The following DPP10 variants were observed in gnomAD, a reference collection of about 807,000 sequenced individuals.
DPP10 encodes the protein dipeptidyl peptidase like 10, also known as inactive dipeptidyl peptidase 10.
A neutral mutation model predicts 120.9 loss-of-function variants in DPP10; 33 were observed. That is an observed-to-expected ratio of 0.27 (90% CI 0.21 to 0.37). The LOEUF (loss-of-function observed/expected upper bound fraction) is 0.37. Among genes scored for constraint, DPP10 ranks in the 10% least tolerant of loss-of-function variants. DPP10 has a pLI of 1.00. For missense variants in DPP10, 816 were observed against 942.8 expected, an observed-to-expected ratio of 0.87 and a Z score of 1.76; for synonymous variants, 337 against 326.1, an observed-to-expected ratio of 1.03 and a Z score of -0.36.
At position 115,357,384 on chromosome 2, in the gene DPP10, A is replaced by G. The variant is rs149610290; in HGVS notation, c.271+13472A>G. 4.8e-3 allele frequency among the ~76,000 whole-genome samples: 732 copies of G among 152,370 alleles called. 4 individuals are homozygous for G. Among genetic ancestry groups the G allele is most frequent in the African/African-American group, 0.014 (586 of 41,586 alleles). ...AGGCCCCATACAAGTCCGAAATTCA[A>G]TAAGGCAGTCATAAACCTTAAAGTT... On this transcript the variant is annotated intron_variant, in intron 3 of 25. Transcript: ENST00000410059.
intron 5 of DPP10, among the ~76,000 whole-genome samples, chr2:115,587,074 C>CT (rs1201491061): frequency 4.5e-5 from 6 of 133,458 alleles, no homozygotes; most frequent in African/African-American, 1.1e-4. Context: ...TTTTTCTTTT[C>CT]TTTTTTTTCT....
At chr2:115,240,964 G>C (rs971955877) in intron 1 of DPP10, among the ~76,000 whole-genome samples, 1 of 152,080 alleles carries the variant, frequency 6.6e-6, no homozygotes, top group Non-Finnish European at 1.5e-5. Context: ...ACTTTTCATG[G>C]CAAACCTATA....
At chr2:114,818,979 G>T (rs1292050334) in intron 1 of DPP10, among the ~76,000 whole-genome samples, 1 of 151,998 alleles carries the variant, frequency 6.6e-6, no homozygotes, top group Non-Finnish European at 1.5e-5. Context: ...ATTACTACTT[G>T]TTTTCATTAA....
At chr2:114,723,531 G>T (rs1406599778) in intron 1 of DPP10, among the ~76,000 whole-genome samples, 1 of 152,178 alleles carries the variant, frequency 6.6e-6, no homozygotes, top group East Asian at 1.9e-4. Flanking sequence ...AGTAAGAAAA[G>T]TAAAGAGTTC....
At chr2:115,293,852 C>T (rs1458977615) in intron 1 of DPP10, among the ~76,000 whole-genome samples, 1 of 152,044 alleles carries the variant, frequency 6.6e-6, no homozygotes, top group Non-Finnish European at 1.5e-5. Flanking sequence ...AATCTCTACT[C>T]TTGCCGAAGA....
At chr2:115,590,327 C>G (rs376495766) in intron 5 of DPP10, among the ~76,000 whole-genome samples, 1 of 152,054 alleles carries the variant, frequency 6.6e-6, no homozygotes, top group Non-Finnish European at 1.5e-5. Context: ...TTACCCCCAC[C>G]TCACGACAGG....
intron 1 of DPP10, among the ~76,000 whole-genome samples, chr2:115,167,896 A>G (rs1386426579): frequency 6.6e-6 from 1 of 152,182 alleles, no homozygotes; most frequent in African/African-American, 2.4e-5. Context: ...AACTTTGGCT[A>G]ATTCTCACCA....
At chr2:115,307,697 G>T (rs1023118852) in intron 1 of DPP10, among the ~76,000 whole-genome samples, 1 of 152,028 alleles carries the variant, frequency 6.6e-6, no homozygotes, top group African/African-American at 2.4e-5. Context: ...TAGAGAATCA[G>T]CAATCATCAC....
At chr2:114,684,821 C>T (rs770431979) in intron 1 of DPP10, among the ~76,000 whole-genome samples, 4 of 151,972 alleles carry the variant, frequency 2.6e-5, no homozygotes, top group Non-Finnish European at 1.5e-5. Context: ...ACCTTCGATT[C>T]ATGTGCGTAG....
At chr2:115,800,193 G>A (rs1253085692) in intron 19 of DPP10, among the ~76,000 whole-genome samples, 3 of 151,808 alleles carry the variant, frequency 2.0e-5, no homozygotes, top group African/African-American at 4.9e-5. Flanking sequence ...CAGTGATGAT[G>A]AGCATTTTTT....
At chr2:115,671,249 A>G (rs2089849834) in intron 5 of DPP10, among the ~76,000 whole-genome samples, 2 of 152,014 alleles carry the variant, frequency 1.3e-5, no homozygotes, top group Non-Finnish European at 2.9e-5. Flanking sequence ...TACATTTAAT[A>G]TTTGAGTTCT....
intron 25 of DPP10, among the ~76,000 whole-genome samples, chr2:115,841,290 G>C (rs1559229620): frequency 6.6e-6 from 1 of 151,904 alleles, no homozygotes; most frequent in Non-Finnish European, 1.5e-5. Context: ...AATATTACAA[G>C]AAAAGAAGAG....
chr2:115,656,070 TAA>T lies in DPP10; in HGVS notation c.442-33616_442-33615del, dbSNP rs1174492331. Among the ~76,000 whole-genome samples, 3 of 151,276 alleles carry T rather than the reference TAA, an allele frequency of 2.0e-5. No homozygotes were observed. In the Admixed American group the frequency reaches 2.0e-4, roughly 10 times the overall value. ...ATGTGTAACATAGTATCTATATTAA[TAA>T]GACAGTATTGTGCACTTTAAAATAT... On this transcript the variant is annotated intron_variant, in intron 5 of 25. Coordinates refer to ENST00000410059, the MANE Select transcript of DPP10 (RefSeq NM_020868.6).
chr2:114,993,818 T>C (rs897378840), intron 1 of DPP10, among the ~76,000 whole-genome samples: 1 of 152,058 alleles, frequency 6.6e-6, no homozygotes, highest in Non-Finnish European at 1.5e-5. Flanking sequence ...TCTACATGTT[T>C]GAATAGATTT....
At chr2:115,453,394 A>AT (rs932185579) in intron 3 of DPP10, among the ~76,000 whole-genome samples, 39 of 151,500 alleles carry the variant, frequency 2.6e-4, no homozygotes, top group African/African-American at 9.2e-4. Context: ...GTGTTCTGAG[A>AT]TTTTGCAAAG....
At chr2:115,699,644 T>A (rs1417557057) in intron 7 of DPP10, among the ~76,000 whole-genome samples, 1 of 152,126 alleles carries the variant, frequency 6.6e-6, no homozygotes, top group African/African-American at 2.4e-5. Context: ...TTTCTCAAAC[T>A]TTTCCAAAAA....
At chr2:115,528,000 C>T (rs763675095) in intron 5 of DPP10, among the ~76,000 whole-genome samples, 30 of 152,060 alleles carry the variant, frequency 2.0e-4, no homozygotes, top group Admixed American at 3.3e-4. Context: ...CAAGTCTTTG[C>T]TATTGTGAGT....
At chr2:115,556,382 T>TTC (rs397985564) in intron 5 of DPP10, among the ~76,000 whole-genome samples, 1 of 150,318 alleles carries the variant, frequency 6.7e-6, no homozygotes. Flanking sequence ...TTTTTTTTTT[T>TTC]CTCATCAGCT....
chr2:114,631,172 T>C (rs1476800523), intron 1 of DPP10, among the ~76,000 whole-genome samples: 1 of 152,082 alleles, frequency 6.6e-6, no homozygotes, highest in Non-Finnish European at 1.5e-5. Flanking sequence ...TGAGAAAACC[T>C]CAACAGAAAG....
Sources: allele counts gnomAD v4.1 joint callset (sites outside exome capture counted in the v4.1 genomes callset), GRCh38; gene constraint gnomAD v4.1.1; transcripts MANE v1.5; gene names NCBI Gene and HGNC (gene_info 2026-07-23, HGNC 2026-07-21).